EML4: variants seen among roughly 807,000 people sequenced by gnomAD.
EML4 encodes EMAP like 4, also known as echinoderm microtubule-associated protein-like 4.
Under a neutral mutation model 129.0 loss-of-function variants are expected in EML4, and 72 were observed. That is an observed-to-expected ratio of 0.56 (90% CI 0.46 to 0.68). EML4 has a LOEUF of 0.68. Among genes scored for constraint, EML4 ranks in the 30% least tolerant of loss-of-function variants. The pLI, the probability that EML4 is intolerant of heterozygous loss-of-function variation, is 0.00. For synonymous variants in EML4, 532 were observed against 405.0 expected, an observed-to-expected ratio of 1.31 and a Z score of -3.77; for missense variants, 1,363 against 1,190.6, an observed-to-expected ratio of 1.14 and a Z score of -2.13.
intron 13 of EML4, among the ~76,000 whole-genome samples, chr2:42,300,991 G>T (rs990817466): frequency 5.9e-5 from 9 of 152,040 alleles, no homozygotes; most frequent in African/African-American, 2.2e-4. Context: ...TTTTGCTTTG[G>T]TTTTTTGTAG....
intron 1 of EML4, among the ~76,000 whole-genome samples, chr2:42,174,878 C>T (rs1372478495): frequency 2.0e-5 from 3 of 151,786 alleles, no homozygotes; most frequent in African/African-American, 7.2e-5. Flanking sequence ...AGTGCAATGG[C>T]GCGATCTCGG....
chr2:42,234,648 CT>C (rs1674546012), intron 1 of EML4, among the ~76,000 whole-genome samples: 1 of 152,162 alleles, frequency 6.6e-6, no homozygotes, highest in Admixed American at 6.5e-5. Context: ...CTTAAAACTA[CT>C]TACTTTATAA....
intron 6 of EML4, among the ~76,000 whole-genome samples, chr2:42,267,641 T>C (rs1666135424): frequency 6.6e-6 from 1 of 152,162 alleles, no homozygotes; most frequent in Admixed American, 6.5e-5. Flanking sequence ...AGTCACCACT[T>C]AGGCAGAAGT....
intron 13 of EML4, among the ~76,000 whole-genome samples, chr2:42,296,346 A>T (rs574838353): frequency 1.3e-5 from 2 of 152,158 alleles, no homozygotes; most frequent in South Asian, 4.1e-4. Context: ...ACCAAAAAAA[A>T]AGTAAGAAAG....
At chr2:42,245,017 T>A (rs1366440106) in intron 1 of EML4, among the ~76,000 whole-genome samples, 3 of 151,676 alleles carry the variant, frequency 2.0e-5, no homozygotes, top group African/African-American at 7.3e-5. Context: ...TTAAGATAGC[T>A]ATAAAAGTCT....
chr2:42,224,071 C>T (rs1257619578), intron 1 of EML4, among the ~76,000 whole-genome samples: 2 of 151,960 alleles, frequency 1.3e-5, no homozygotes, highest in Admixed American at 1.3e-4. Context: ...AGATATAATT[C>T]ACATGCCATA....
chr2:42,185,866 C>A (rs578111126), intron 1 of EML4, among the ~76,000 whole-genome samples: 1 of 151,992 alleles, frequency 6.6e-6, no homozygotes, highest in Admixed American at 6.6e-5. Flanking sequence ...ACATGAAGGG[C>A]CTGAAACAGG....
rs554622011 is a variant in EML4, at chr2:42,303,001, C to T, written c.1642-103C>T. On this transcript the variant is annotated intron_variant, in intron 14 of 22. Coordinates refer to ENST00000318522, the MANE Select transcript of EML4 (RefSeq NM_019063.5). Reference sequence around the variant, plus strand: ...ATTACCATATCCAAATTTGGGCTTTCGTCATAATTACCTCATAATTGCTTA... The same window carrying T: ...ATTACCATATCCAAATTTGGGCTTTTGTCATAATTACCTCATAATTGCTTA... 4.2e-6 allele frequency: 5 copies of T among 1,195,704 alleles called. No individual in the cohort carries two copies. The East Asian group carries it at 9.5e-5, about 23-fold the overall frequency. 74.1% of individuals were successfully genotyped at this position (1,195,704 alleles called of 1,614,324 possible).
intron 3 of EML4, among the ~76,000 whole-genome samples, chr2:42,257,637 C>T (rs1676244893): frequency 2.6e-5 from 4 of 152,112 alleles, no homozygotes; most frequent in Admixed American, 2.6e-4. Context: ...AGATCGAGAC[C>T]ATCCTGGCTA....
At chr2:42,263,087 G>A in intron 4 of EML4, 91 bp from the exon 5 acceptor site, 2 of 1,085,022 alleles carry the variant, frequency 1.8e-6, no homozygotes, top group South Asian at 1.5e-5. Flanking sequence ...TTAAGGAAAT[G>A]TTAATTGCTG....
At chr2:42,172,873 T>C (rs1388126958) in intron 1 of EML4, among the ~76,000 whole-genome samples, 1 of 152,190 alleles carries the variant, frequency 6.6e-6, no homozygotes, top group Non-Finnish European at 1.5e-5. Flanking sequence ...AGAATCTCTT[T>C]CATAATAGAG....
intron 2 of EML4, 107 bp from the exon 3 acceptor site, chr2:42,256,394 A>AT (rs947604207): frequency 1.9e-5 from 21 of 1,094,160 alleles, no homozygotes; most frequent in East Asian, 1.8e-4. Context: ...AATATACTTA[A>AT]TTTTTTTTCT....
At chr2:42,283,434 A>AC (rs1369213934) in intron 8 of EML4, among the ~76,000 whole-genome samples, 1 of 152,124 alleles carries the variant, frequency 6.6e-6, no homozygotes, top group African/African-American at 2.4e-5. Flanking sequence ...GTCATACTAC[A>AC]AATGTGAGAA....
In EML4 at chr2:42,325,447, A is replaced by C; in HGVS notation, c.2155-20A>C. 7.9e-7 allele frequency: 1 copy of C among 1,269,684 alleles called. No homozygotes were observed. The highest frequency in any genetic ancestry group is 1.1e-6 in the Non-Finnish European group (1 of 875,640). 78.7% of individuals were successfully genotyped at this position (1,269,684 alleles called of 1,614,324 possible). On this transcript the variant is annotated intron_variant, in intron 19 of 22. Transcript: ENST00000318522. The stretch of plus-strand genomic sequence containing the variant: ...TCAGAACTCTAAATGCTTTCTAACA[A>C]TTTATCTGTTATTTTCTAGGGACAT...
intron 19 of EML4, among the ~76,000 whole-genome samples, chr2:42,320,405 TTTG>T (rs1669459382): frequency 6.6e-6 from 1 of 152,168 alleles, no homozygotes; most frequent in Non-Finnish European, 1.5e-5. Context: ...ACACCAATTT[TTTG>T]TTAAGTAACT....
intron 1 of EML4, among the ~76,000 whole-genome samples, chr2:42,219,378 C>T (rs772084921): frequency 6.6e-6 from 1 of 152,056 alleles, no homozygotes; most frequent in South Asian, 2.1e-4. Context: ...TGAGTATGCC[C>T]GGACTTGGTA....
At chr2:42,223,123 T>C (rs1042858156) in intron 1 of EML4, among the ~76,000 whole-genome samples, 4 of 152,130 alleles carry the variant, frequency 2.6e-5, no homozygotes, top group Admixed American at 6.5e-5. Flanking sequence ...GTATTTTTAA[T>C]AGCTGCACAG....
chr2:42,312,267 C>T (rs1347039151), intron 17 of EML4, among the ~76,000 whole-genome samples: 1 of 151,734 alleles, frequency 6.6e-6, no homozygotes, highest in African/African-American at 2.4e-5. Context: ...ATTCTAAGCC[C>T]CCCCCCACCA....
chr2:42,218,013 T>C (rs1163468963), intron 1 of EML4, among the ~76,000 whole-genome samples: 1 of 152,126 alleles, frequency 6.6e-6, no homozygotes, highest in Admixed American at 6.5e-5. Context: ...AAGTGGGCTG[T>C]AGAACAGGGG....
Sources: allele counts gnomAD v4.1 joint callset (sites outside exome capture counted in the v4.1 genomes callset), GRCh38; gene constraint gnomAD v4.1.1; transcripts MANE v1.5; gene names NCBI Gene and HGNC (gene_info 2026-07-23, HGNC 2026-07-21).